The following MMP26 variants were observed in gnomAD, a reference collection of about 807,000 sequenced individuals.
The protein encoded by MMP26 is matrix metallopeptidase 26.
A neutral mutation model predicts 31.0 loss-of-function variants in MMP26; 33 were observed. The ratio of observed to expected loss-of-function variants is 1.06; its 90% CI spans 0.81 to 1.42. The LOEUF is 1.42. MMP26 is among the 40% of genes most tolerant of loss of function. The probability of loss-of-function intolerance (pLI) is 0.00; values close to 1 mark genes in which losing one functional copy is unlikely to be tolerated. For synonymous variants in MMP26, 122 were observed against 114.9 expected (o/e 1.06, Z -0.40); for missense variants, 347 against 316.1 (o/e 1.10, Z -0.74).
chr11:4,848,449 C>CA, intron 2 of MMP26: 1 of 1,613,710 alleles, frequency 6.2e-7, no homozygotes, highest in Non-Finnish European at 8.5e-7. Context: ...AGGAGCACTG[C>CA]AGAGAGGTGG....
intron 2 of MMP26, chr11:4,849,288 A>G: frequency 6.8e-7 from 1 of 1,465,482 alleles, no homozygotes; most frequent in Non-Finnish European, 9.2e-7. Context: ...AATTTGCATG[A>G]AACGTTCCAA....
intron 2 of MMP26, chr11:4,770,085 G>A: frequency 1.7e-6 from 1 of 578,458 alleles, no homozygotes; most frequent in Non-Finnish European, 3.1e-6. Flanking sequence ...AAATTATAAT[G>A]TTCATCTACC....
intron 4 of MMP26, 75 bp from the exon 5 acceptor site, chr11:4,990,523 T>G (rs1244182019): frequency 2.2e-6 from 3 of 1,363,938 alleles, no homozygotes; most frequent in Non-Finnish European, 3.0e-6. Context: ...CTCCCCAAAG[T>G]AGAATTATTC....
At chr11:4,957,804 A>C (rs1422828632) in intron 2 of MMP26, among the ~76,000 whole-genome samples, 1 of 151,796 alleles carries the variant, frequency 6.6e-6, no homozygotes, top group Non-Finnish European at 1.5e-5. Context: ...TCAACCTCCC[A>C]AGTAGCTGGG....
chr11:4,967,701 T>A (rs1254204709), intron 2 of MMP26, among the ~76,000 whole-genome samples: 1 of 152,204 alleles, frequency 6.6e-6, no homozygotes, highest in Admixed American at 6.5e-5. Flanking sequence ...CATAATATTG[T>A]AACCAAAACT....
chr11:4,965,463 A>T (rs947529601), intron 2 of MMP26, among the ~76,000 whole-genome samples: 1 of 152,206 alleles, frequency 6.6e-6, no homozygotes, highest in Non-Finnish European at 1.5e-5. Flanking sequence ...ATTTTTAAGA[A>T]GGTTAAGGAG....
chr11:4,877,148 T>C (rs960974282), intron 2 of MMP26: 1 of 152,288 alleles, frequency 6.6e-6, no homozygotes, highest in Non-Finnish European at 1.5e-5. Flanking sequence ...CTGGTGTCAA[T>C]AGCATCTATG....
chr11:4,921,524 G>T (rs1246973306), intron 2 of MMP26, among the ~76,000 whole-genome samples: 1 of 152,196 alleles, frequency 6.6e-6, no homozygotes, highest in Non-Finnish European at 1.5e-5. Context: ...GTTACGGAAG[G>T]TTTCTAATTT....
At chr11:4,814,995 G>A (rs1280693156) in intron 2 of MMP26, among the ~76,000 whole-genome samples, 1 of 152,174 alleles carries the variant, frequency 6.6e-6, no homozygotes, top group African/African-American at 2.4e-5. Flanking sequence ...AGGAAGGCAT[G>A]AGACATCAAT....
intron 2 of MMP26, among the ~76,000 whole-genome samples, chr11:4,840,444 T>C (rs1337648102): frequency 6.6e-6 from 1 of 152,210 alleles, no homozygotes; most frequent in African/African-American, 2.4e-5. Context: ...GGTGCTTGTG[T>C]CACCCCACCC....
intron 1 of MMP26, among the ~76,000 whole-genome samples, chr11:4,745,517 C>T (rs1421818071): frequency 2.0e-5 from 3 of 152,156 alleles, no homozygotes; most frequent in African/African-American, 4.8e-5. Context: ...TGCCTCCCAG[C>T]GCCACATGCA....
intron 2 of MMP26, among the ~76,000 whole-genome samples, chr11:4,949,441 C>T (rs28694129): frequency 0.24 from 28,514 of 120,944 alleles, 8,896 homozygotes; most frequent in Non-Finnish European, 0.26. Flanking sequence ...ATTCTAGAGA[C>T]GTGAAGTATT....
At chr11:4,779,943 A>G (rs907722203) in intron 2 of MMP26, among the ~76,000 whole-genome samples, 2 of 152,060 alleles carry the variant, frequency 1.3e-5, no homozygotes, top group South Asian at 4.1e-4. Context: ...ATTAAACTGT[A>G]CATACATTTT....
chr11:4,916,874 A>G (rs1851101816), intron 2 of MMP26, among the ~76,000 whole-genome samples: 1 of 152,170 alleles, frequency 6.6e-6, no homozygotes, highest in African/African-American at 2.4e-5. Flanking sequence ...CACATCCCCA[A>G]CCACAAGGTC....
At chr11:4,710,238 G>A (rs4436535) in intron 1 of MMP26, 352,633 of 456,548 alleles carry the variant, frequency 0.77, 137,123 homozygotes, top group South Asian at 0.84. Context: ...TGTTCTGATC[G>A]TCCGCTCTGT....
chr11:4,919,119 G>A (rs192356963), intron 2 of MMP26: 23 of 152,302 alleles, frequency 1.5e-4, no homozygotes, highest in African/African-American at 4.8e-4. Flanking sequence ...TTCTGAGCTG[G>A]TGCTAAGATC....
At chr11:4,719,938 G>A (rs1035405442) in intron 1 of MMP26, among the ~76,000 whole-genome samples, 10 of 152,194 alleles carry the variant, frequency 6.6e-5, no homozygotes, top group East Asian at 3.9e-4. Context: ...GTAACATCAC[G>A]CTGCTCTCAA....
intron 1 of MMP26, chr11:4,753,071 G>A (rs1848466211): frequency 6.6e-6 from 1 of 152,078 alleles, no homozygotes; most frequent in Non-Finnish European, 1.5e-5. Context: ...TATATATTGA[G>A]TAAAGTGCAT....
At chr11:4,748,314 A>G (rs1034503497) in intron 1 of MMP26, among the ~76,000 whole-genome samples, 14 of 152,212 alleles carry the variant, frequency 9.2e-5, no homozygotes, top group Middle Eastern at 3.4e-3. Context: ...AATCTTACAA[A>G]TAAGAAAAAT....
Sources: allele counts gnomAD v4.1 joint callset (sites outside exome capture counted in the v4.1 genomes callset), GRCh38; gene constraint gnomAD v4.1.1; transcripts MANE v1.5; gene names NCBI Gene and HGNC (gene_info 2026-07-23, HGNC 2026-07-21).